TENM3: variants seen among roughly 807,000 people sequenced by gnomAD.
TENM3 encodes the protein teneurin-3.
Under a neutral mutation model 255.1 loss-of-function variants are expected in TENM3, and 63 were observed. That is an observed-to-expected ratio of 0.25 (90% CI 0.20 to 0.30). TENM3 has a LOEUF of 0.30. TENM3 is among the 10% of genes least tolerant of loss of function. The pLI, the probability that TENM3 is intolerant of heterozygous loss-of-function variation, is 1.00. For missense variants in TENM3, 2,929 were observed against 3,461.1 expected, an observed-to-expected ratio of 0.85 and a Z score of 3.86; for synonymous variants, 1,306 against 1,322.3, an observed-to-expected ratio of 0.99 and a Z score of 0.27.
At chr4:182,336,288 A>C (rs1444499830) in intron 2 of TENM3, among the ~76,000 whole-genome samples, 1 of 152,170 alleles carries the variant, frequency 6.6e-6, no homozygotes, top group Non-Finnish European at 1.5e-5. Context: ...TTCTAAACCC[A>C]ACAAATTCCT....
At chr4:182,252,606 T>C (rs1758091238) in intron 1 of TENM3, among the ~76,000 whole-genome samples, 1 of 152,174 alleles carries the variant, frequency 6.6e-6, no homozygotes, top group Non-Finnish European at 1.5e-5. Flanking sequence ...TTTTTCCAGA[T>C]CACTGTTACG....
At chr4:182,247,311 G>T (rs1284689786) in intron 1 of TENM3, among the ~76,000 whole-genome samples, 3 of 152,148 alleles carry the variant, frequency 2.0e-5, no homozygotes, top group Non-Finnish European at 4.4e-5. Flanking sequence ...GTTGTCTTAC[G>T]AAGAGAAGAC....
At chr4:182,013,841 T>C in the TENM3 span, among the ~76,000 whole-genome samples, 3 of 151,070 alleles carry the variant, frequency 2.0e-5, no homozygotes, top group East Asian at 5.9e-4. Flanking sequence ...GAACTATAAT[T>C]ATTATGTATA....
intron 5 of TENM3, among the ~76,000 whole-genome samples, chr4:182,630,818 G>A (rs1751301814): frequency 6.6e-6 from 1 of 151,588 alleles, no homozygotes; most frequent in Non-Finnish European, 1.5e-5. Context: ...AAATATTCAG[G>A]GCTGGAATTC....
chr4:181,851,786 G>A, the TENM3 span, among the ~76,000 whole-genome samples: 1 of 152,136 alleles, frequency 6.6e-6, no homozygotes, highest in South Asian at 2.1e-4. Flanking sequence ...TGTAGGGTTG[G>A]TAGCCTTTTC....
the TENM3 span, among the ~76,000 whole-genome samples, chr4:181,592,893 G>A: frequency 1.3e-5 from 2 of 152,194 alleles, no homozygotes; most frequent in South Asian, 4.1e-4. Flanking sequence ...TAACACAGAT[G>A]GTCTCAATGA....
chr4:181,584,614 C>A, the TENM3 span, among the ~76,000 whole-genome samples: 37 of 152,164 alleles, frequency 2.4e-4, no homozygotes, highest in Non-Finnish European at 3.4e-4. Flanking sequence ...ATTTCTTCTA[C>A]GGTCCTACCC....
chr4:182,579,894 T>C (rs1745320794), intron 3 of TENM3, among the ~76,000 whole-genome samples: 1 of 152,186 alleles, frequency 6.6e-6, no homozygotes, highest in African/African-American at 2.4e-5. Flanking sequence ...TGAGGTTTAG[T>C]GCTGGCTACA....
the TENM3 span, among the ~76,000 whole-genome samples, chr4:181,967,629 C>G: frequency 6.6e-6 from 1 of 152,138 alleles, no homozygotes; most frequent in African/African-American, 2.4e-5. Context: ...TGGCTCGGCC[C>G]TTGCTACGGG....
At chr4:181,554,239 C>T in the TENM3 span, among the ~76,000 whole-genome samples, 4 of 152,278 alleles carry the variant, frequency 2.6e-5, no homozygotes, top group South Asian at 4.1e-4. Context: ...CTGATCTGGA[C>T]TTTTGTCTAA....
At chr4:182,135,860 T>C in the TENM3 span, among the ~76,000 whole-genome samples, 1 of 152,370 alleles carries the variant, frequency 6.6e-6, no homozygotes, top group Admixed American at 6.5e-5. Context: ...ACAAGAAGTT[T>C]TGTGAGACTG....
chr4:181,839,374 T>C, the TENM3 span, among the ~76,000 whole-genome samples: 243 of 51,672 alleles, frequency 4.7e-3, 7 homozygotes, highest in African/African-American at 0.012. Flanking sequence ...TATATATATA[T>C]ATATATATAT....
chr4:182,286,823 C>T (rs1241606813), intron 1 of TENM3, among the ~76,000 whole-genome samples: 2 of 152,182 alleles, frequency 1.3e-5, no homozygotes, highest in African/African-American at 2.4e-5. Flanking sequence ...CCTCCTTTCT[C>T]CCTAGCGTGT....
chr4:182,062,589 G>A, the TENM3 span, among the ~76,000 whole-genome samples: 1 of 152,176 alleles, frequency 6.6e-6, no homozygotes, highest in African/African-American at 2.4e-5. Flanking sequence ...ACCTTTCCAT[G>A]ACTACCAAAG....
chr4:181,944,005 C>T, the TENM3 span, among the ~76,000 whole-genome samples: 1 of 152,140 alleles, frequency 6.6e-6, no homozygotes, highest in African/African-American at 2.4e-5. Flanking sequence ...AACTTCATCC[C>T]ACAGAACTGG....
intron 5 of TENM3, among the ~76,000 whole-genome samples, chr4:182,641,399 A>G (rs1486305581): frequency 6.6e-6 from 1 of 152,222 alleles, no homozygotes; most frequent in African/African-American, 2.4e-5. Flanking sequence ...AATTTCAAAG[A>G]ATTGTAATTT....
At chr4:181,602,920 A>G in the TENM3 span, among the ~76,000 whole-genome samples, 50,485 of 152,080 alleles carry the variant, frequency 0.33, 9,685 homozygotes, top group Non-Finnish European at 0.42. Flanking sequence ...TAAAAAAAGA[A>G]GAAGAATCAG....
At chr4:182,499,233 G>A (rs1197002966) in intron 3 of TENM3, among the ~76,000 whole-genome samples, 1 of 152,120 alleles carries the variant, frequency 6.6e-6, no homozygotes, top group Non-Finnish European at 1.5e-5. Context: ...TAAAATTGGA[G>A]GTTAAAGAAC....
the TENM3 span, among the ~76,000 whole-genome samples, chr4:181,473,949 A>T: frequency 3.3e-5 from 5 of 151,038 alleles, no homozygotes; most frequent in Non-Finnish European, 1.5e-5. Context: ...TATACTGTGT[A>T]TAAAAATTAC....
Sources: gnomAD v4.1 joint callset for allele counts (sites outside exome capture counted in the v4.1 genomes callset) on GRCh38, gnomAD v4.1.1 for gene constraint, MANE v1.5 for transcripts, NCBI Gene and HGNC (gene_info 2026-07-23, HGNC 2026-07-21) for gene names.